SCN1A: variants seen among roughly 807,000 people sequenced by gnomAD.
The protein encoded by SCN1A is sodium voltage-gated channel alpha subunit 1.
Under a neutral mutation model 193.7 loss-of-function variants are expected in SCN1A, and 13 were observed. The observed-to-expected ratio is 0.07, with a 90% CI of 0.04 to 0.11. The LOEUF (loss-of-function observed/expected upper bound fraction) is 0.11, where lower values mean the gene tolerates loss of function less well. Among genes scored for constraint, SCN1A ranks in the 10% least tolerant of loss-of-function variants. The pLI is 1.00. For missense variants in SCN1A, 1,432 were observed against 2,451.1 expected (o/e 0.58, Z 8.78); for synonymous variants, 781 against 843.6 (o/e 0.93, Z 1.29).
At chr2:166,041,109 G>A (rs543039409) in intron 16 of SCN1A, 122 bp downstream of exon 16, 9 of 808,478 alleles carry the variant, frequency 1.1e-5, no homozygotes, top group South Asian at 5.8e-5. Context: ...ATATAATTGC[G>A]ATTTTGCAGG....
At chr2:166,009,944 G>T in intron 22 of SCN1A, 103 bp from the exon 23 acceptor site, 1 of 1,107,722 alleles carries the variant, frequency 9.0e-7, no homozygotes. Flanking sequence ...ATTATTCAGA[G>T]GATAAATGTT....
At chr2:166,109,913 A>G (rs934175687) in intron 2 of SCN1A, among the ~76,000 whole-genome samples, 33 of 152,284 alleles carry the variant, frequency 2.2e-4, no homozygotes, top group African/African-American at 7.5e-4. Flanking sequence ...ATGTAGTTAG[A>G]TAGAATAAGA....
chr2:166,013,673 G>C, intron 21 of SCN1A, 71 bp downstream of exon 21: 1 of 1,381,016 alleles, frequency 7.2e-7, no homozygotes, highest in South Asian at 1.2e-5. Context: ...TGAAACAAAG[G>C]ATTAATAAGT....
intron 1 of SCN1A, among the ~76,000 whole-genome samples, chr2:166,137,071 T>TG (rs979019207): frequency 1.3e-5 from 2 of 152,216 alleles, no homozygotes; most frequent in African/African-American, 4.8e-5. Flanking sequence ...CTGCATTCCT[T>TG]GGAGTCCAGT....
At chr2:166,013,322 C>G (rs1692795493) in intron 21 of SCN1A, among the ~76,000 whole-genome samples, 1 of 151,348 alleles carries the variant, frequency 6.6e-6, no homozygotes, top group Non-Finnish European at 1.5e-5. Flanking sequence ...GAAGTGGTCC[C>G]TAAGGACTTA....
At chr2:166,047,049 C>T in intron 11 of SCN1A, 73 bp from the exon 12 acceptor site, 2 of 1,522,802 alleles carry the variant, frequency 1.3e-6, no homozygotes, top group East Asian at 2.3e-5. Flanking sequence ...TCAATTTACT[C>T]ATGTGTCTAG....
chr2:166,130,175 G>A (rs1385763184), upstream of SCN1A, among the ~76,000 whole-genome samples: 1 of 152,206 alleles, frequency 6.6e-6, no homozygotes, highest in Non-Finnish European at 1.5e-5. Flanking sequence ...CTTGGTTTCT[G>A]TTGAACTATG....
chr2:166,143,444 G>A (rs939391823), intron 1 of SCN1A, among the ~76,000 whole-genome samples: 1 of 151,964 alleles, frequency 6.6e-6, no homozygotes, highest in Non-Finnish European at 1.5e-5. Flanking sequence ...GGGATTACAG[G>A]CATGAGCCAC....
chr2:166,076,919 A>G (rs1001355462), intron 3 of SCN1A, among the ~76,000 whole-genome samples: 2 of 151,968 alleles, frequency 1.3e-5, no homozygotes, highest in African/African-American at 4.8e-5. Context: ...TGTAAAATGC[A>G]GAACTAAAAA....
At chr2:166,014,168 T>G (rs1252348805) in intron 20 of SCN1A, among the ~76,000 whole-genome samples, 1 of 151,622 alleles carries the variant, frequency 6.6e-6, no homozygotes, top group Non-Finnish European at 1.5e-5. Flanking sequence ...TACAAATAAA[T>G]GTGAGGTAGC....
At chr2:166,042,556 A>G in intron 14 of SCN1A, 132 bp from the exon 15 acceptor site, 3 of 828,438 alleles carry the variant, frequency 3.6e-6, no homozygotes, top group Admixed American at 2.0e-5. Flanking sequence ...GTGATGGCAG[A>G]TATTTCTGAC....
At chr2:165,994,671 A>T (rs567564208) in intron 27 of SCN1A, among the ~76,000 whole-genome samples, 1 of 152,010 alleles carries the variant, frequency 6.6e-6, no homozygotes, top group East Asian at 1.9e-4. Context: ...ACAAACAAAC[A>T]AACAAACAAA....
At chr2:165,996,175 A>G in intron 26 of SCN1A, 58 bp from the exon 27 acceptor site, 4 of 1,066,682 alleles carry the variant, frequency 3.7e-6, no homozygotes, top group Non-Finnish European at 5.7e-6. Context: ...ATTTTTTTCA[A>G]TGTTAAAATA....
rs2105827258 is a variant in SCN1A, at chr2:166,041,234, G to A, written c.2412C>T (p.Asn804=). 7 of 1,599,504 alleles carry A rather than the reference G, an allele frequency of 4.4e-6. No individual in the cohort carries two copies. Among genetic ancestry groups the A allele is most frequent in the Non-Finnish European group, 6.0e-6 (7 of 1,166,916 alleles). ...DHFNNVLTVG[N]LVFTGIFTAE... ...ATTTACCTTCCAATATGCTTACCAA[G>A]TTTCCTACTGTAAGCACATTATTGA... is the stretch of plus-strand genomic sequence containing the variant. The change falls in exon 16 of 29, where the codon AAC becomes AAT. Residue 804 remains asparagine (N), a synonymous_variant. Coordinates refer to ENST00000674923, the MANE Select transcript of SCN1A (RefSeq NM_001165963.4).
At chr2:166,118,302 CTTT>C (rs61002916) in intron 2 of SCN1A, among the ~76,000 whole-genome samples, 8 of 81,112 alleles carry the variant, frequency 9.9e-5, no homozygotes, top group African/African-American at 3.5e-4. Flanking sequence ...TATTTAGTTT[CTTT>C]TTTTTTTTTT....
upstream of SCN1A, among the ~76,000 whole-genome samples, chr2:166,129,266 G>A (rs919415023): frequency 5.9e-5 from 9 of 152,094 alleles, no homozygotes; most frequent in Non-Finnish European, 1.3e-4. Context: ...AGAGCCCAAA[G>A]AATAATCCAC....
At chr2:166,109,081 T>A (rs1478493191) in intron 2 of SCN1A, among the ~76,000 whole-genome samples, 2 of 152,186 alleles carry the variant, frequency 1.3e-5, no homozygotes, top group East Asian at 3.8e-4. Flanking sequence ...ATAACAAAAA[T>A]TACAGCATTT....
chr2:166,012,400 T>C (rs994782444), intron 21 of SCN1A, 118 bp from the exon 22 acceptor site: 27 of 770,594 alleles, frequency 3.5e-5, no homozygotes, highest in Non-Finnish European at 5.6e-5. Context: ...AGAGAAACAG[T>C]AGTTACTGTT....
Position 165,986,488 on chromosome 2 carries a change from A to G in SCN1A, c.*4757T>C, listed in dbSNP as rs1005032411. 1 of 152,094 alleles carries G rather than the reference A, an allele frequency of 6.6e-6. No homozygotes were observed. The highest frequency in any genetic ancestry group is 6.6e-5 in the Admixed American group (1 of 15,240). 9.4% of individuals were successfully genotyped at this position (152,094 alleles called of 1,614,324 possible). A position where few individuals can be genotyped will look rare whatever the true frequency, so the allele number is the denominator to read the frequency against. On this transcript the variant is annotated 3_prime_UTR_variant, in exon 29 of 29. Coordinates refer to ENST00000674923, the MANE Select transcript of SCN1A (RefSeq NM_001165963.4). ...ATATTCTTATTTTAATTAAACAGTGATTATTATGAAGAACAAGGAATGTAA... is the reference window on the plus strand; with the variant it reads ...ATATTCTTATTTTAATTAAACAGTGGTTATTATGAAGAACAAGGAATGTAA...
Sources: allele counts gnomAD v4.1 joint callset (sites outside exome capture counted in the v4.1 genomes callset), GRCh38; gene constraint gnomAD v4.1.1; transcripts MANE v1.5; gene names NCBI Gene and HGNC (gene_info 2026-07-23, HGNC 2026-07-21).